The following PCDH11Y variants were observed in gnomAD, a reference collection of about 807,000 sequenced individuals.
PCDH11Y encodes protocadherin 11 Y-linked, also known as protocadherin-11 Y-linked.
For missense variants in PCDH11Y, 12 were observed against 224.8 expected (o/e 0.05, Z 6.05); for synonymous variants, 9 against 83.6 (o/e 0.11, Z 4.87).
At chrY:5,454,300 C>T in intron 2 of PCDH11Y, among the ~76,000 whole-genome samples, 3 of 33,496 alleles carry the variant, frequency 9.0e-5, no homozygotes, top group Non-Finnish European at 2.2e-4. Context: ...GATGGGCTCC[C>T]AAGGCCTTGG....
intron 3 of PCDH11Y, among the ~76,000 whole-genome samples, chrY:5,046,512 C>A: frequency 2.9e-5 from 1 of 33,991 alleles, no homozygotes; most frequent in Non-Finnish European, 7.4e-5. Flanking sequence ...CTGCTCTCTT[C>A]AAAGCTGTCA....
At chrY:5,481,816 G>T in intron 2 of PCDH11Y, among the ~76,000 whole-genome samples, 1 of 31,151 alleles carries the variant, frequency 3.2e-5, no homozygotes, top group African/African-American at 1.3e-4. Flanking sequence ...ATATTTGTAT[G>T]ATTTCATTCT....
At chrY:5,113,782 TATA>T (rs2052805190) in intron 2 of PCDH11Y, among the ~76,000 whole-genome samples, 1 of 24,914 alleles carries the variant, frequency 4.0e-5, no homozygotes, top group Non-Finnish European at 8.4e-5. Flanking sequence ...CAGTGTTTAC[TATA>T]ATAATTAGAG....
At chrY:5,294,606 A>T in intron 2 of PCDH11Y, among the ~76,000 whole-genome samples, 1 of 24,547 alleles carries the variant, frequency 4.1e-5, no homozygotes, top group Non-Finnish European at 8.0e-5. Context: ...ATAAACAAAC[A>T]TGCAAAAAAA....
downstream of PCDH11Y, among the ~76,000 whole-genome samples, chrY:5,108,351 A>T: frequency 3.0e-5 from 1 of 33,325 alleles, no homozygotes; most frequent in Non-Finnish European, 7.4e-5. Context: ...AATGATTTAA[A>T]TGTAAAAATT....
At chrY:5,292,716 T>C in intron 2 of PCDH11Y, among the ~76,000 whole-genome samples, 1 of 33,521 alleles carries the variant, frequency 3.0e-5, no homozygotes, top group Non-Finnish European at 7.4e-5. Context: ...TGATCTTCTA[T>C]GTTGTTTTCC....
intron 2 of PCDH11Y, among the ~76,000 whole-genome samples, chrY:5,157,778 G>A (rs1430810319): frequency 0.087 from 2,853 of 32,679 alleles, no homozygotes; most frequent in East Asian, 0.058. Flanking sequence ...CGAGGAGAAA[G>A]CTTAGTTCCT....
intron 4 of PCDH11Y, among the ~76,000 whole-genome samples, chrY:5,724,142 C>T: frequency 3.0e-5 from 1 of 33,743 alleles, no homozygotes; most frequent in Non-Finnish European, 7.4e-5. Flanking sequence ...TATCTGACTA[C>T]AAGAGCAGAA....
intron 2 of PCDH11Y, among the ~76,000 whole-genome samples, chrY:5,148,922 G>A: frequency 1.8e-4 from 6 of 33,056 alleles, no homozygotes; most frequent in East Asian, 8.1e-4. Context: ...ACCATGGTAA[G>A]TCAGGGACTG....
At chrY:5,486,356 T>C (rs2124686307) in intron 2 of PCDH11Y, among the ~76,000 whole-genome samples, 1 of 32,295 alleles carries the variant, frequency 3.1e-5, no homozygotes, top group Admixed American at 2.9e-4. Flanking sequence ...TCACCATGTG[T>C]GAAATGTAAT....
At chrY:5,373,800 A>G in intron 2 of PCDH11Y, among the ~76,000 whole-genome samples, 1 of 30,287 alleles carries the variant, frequency 3.3e-5, no homozygotes, top group African/African-American at 1.3e-4. Flanking sequence ...TGGAGTGAAA[A>G]TCTGGATCTT....
chrY:5,111,621 G>A, intron 2 of PCDH11Y, among the ~76,000 whole-genome samples: 1 of 33,349 alleles, frequency 3.0e-5, no homozygotes, highest in Non-Finnish European at 7.4e-5. Context: ...TTTCATTTTC[G>A]ATAGAAAAAA....
At chrY:5,272,626 G>A in intron 2 of PCDH11Y, among the ~76,000 whole-genome samples, 1 of 32,629 alleles carries the variant, frequency 3.1e-5, no homozygotes. Flanking sequence ...ATTTGTATCA[G>A]CATTAGAAGT....
intron 2 of PCDH11Y, among the ~76,000 whole-genome samples, chrY:5,169,805 T>G (rs2124645421): frequency 3.1e-5 from 1 of 32,182 alleles, no homozygotes; most frequent in Non-Finnish European, 7.7e-5. Context: ...AAATATTAAA[T>G]TTTGCCTTTT....
intron 1 of PCDH11Y, among the ~76,000 whole-genome samples, chrY:5,028,397 G>A (rs2052582592): frequency 3.0e-5 from 1 of 33,810 alleles, no homozygotes; most frequent in Non-Finnish European, 7.3e-5. Flanking sequence ...GGGAAAGGCG[G>A]TGAAATAAAA....
intron 4 of PCDH11Y, among the ~76,000 whole-genome samples, chrY:5,716,691 C>G (rs2053590231): frequency 3.0e-5 from 1 of 33,128 alleles, no homozygotes; most frequent in Non-Finnish European, 7.5e-5. Flanking sequence ...TAATCCCTAT[C>G]AAAATACCAA....
At chrY:5,499,208 T>C in intron 2 of PCDH11Y, among the ~76,000 whole-genome samples, 3 of 32,538 alleles carry the variant, frequency 9.2e-5, no homozygotes, top group Non-Finnish European at 1.5e-4. Flanking sequence ...CAATATTACT[T>C]AGTTCCAGCA....
chrY:5,091,991 G>GA (rs2052742054), intron 1 of PCDH11Y, among the ~76,000 whole-genome samples: 1 of 32,222 alleles, frequency 3.1e-5, no homozygotes, highest in East Asian at 8.0e-4. Context: ...GTCCTAGTGG[G>GA]AAAAAAAATC....
intron 4 of PCDH11Y, among the ~76,000 whole-genome samples, chrY:5,665,613 G>A: frequency 3.0e-5 from 1 of 33,448 alleles, no homozygotes; most frequent in African/African-American, 1.2e-4. Flanking sequence ...CATGAAAGAC[G>A]AGTCTTAGAA....
Sources: allele counts gnomAD v4.1 joint callset (sites outside exome capture counted in the v4.1 genomes callset), GRCh38; gene constraint gnomAD v4.1.1; transcripts MANE v1.5; gene names NCBI Gene and HGNC (gene_info 2026-07-23, HGNC 2026-07-21).